The following TEKT4 variants were observed in gnomAD, a reference collection of about 807,000 sequenced individuals.
The protein encoded by TEKT4 is tektin 4, also known as tektin-4.
TEKT4 carries 46 observed loss-of-function variants against 46.0 expected under a neutral mutation model. The ratio of observed to expected loss-of-function variants is 1.00; its 90% CI spans 0.79 to 1.28. The LOEUF is 1.28. Ranked by LOEUF, TEKT4 falls within the 50% of genes most tolerant of loss-of-function variation. TEKT4 has a pLI of 0.00. For missense variants in TEKT4, 790 were observed against 622.9 expected, an observed-to-expected ratio of 1.27 and a Z score of -2.85; for synonymous variants, 325 against 265.8, an observed-to-expected ratio of 1.22 and a Z score of -2.17.
intron 4 of TEKT4, 94 bp downstream of exon 4, chr2:94,875,092 C>T (rs1680780622): frequency 7.6e-7 from 1 of 1,312,584 alleles, no homozygotes; most frequent in Non-Finnish European, 1.0e-6. Flanking sequence ...CCCGAGGGAC[C>T]CCAGAAGCAA....
chr2:94,876,525 C>T, intron 5 of TEKT4, 28 bp from the exon 6 acceptor site: 1 of 1,578,862 alleles, frequency 6.3e-7, no homozygotes, highest in Non-Finnish European at 8.6e-7. Context: ...CTCCCTAGCC[C>T]CGGCTCACAC....
At chr2:94,876,529 C>T (rs1553396617) in intron 5 of TEKT4, 24 bp from the exon 6 acceptor site, 1 of 1,584,630 alleles carries the variant, frequency 6.3e-7, no homozygotes, top group Non-Finnish European at 8.6e-7. Context: ...CTAGCCCCGG[C>T]TCACACCCCC....
chr2:94,873,000 A>G, intron 1 of TEKT4: 1 of 1,289,482 alleles, frequency 7.8e-7, no homozygotes, highest in Non-Finnish European at 1.0e-6. Flanking sequence ...TGGTTGAGGC[A>G]AAGACCCCAA....
At chr2:94,875,188 G>A (rs1680787395) in intron 4 of TEKT4, among the ~76,000 whole-genome samples, 190 bp downstream of exon 4, 1 of 152,192 alleles carries the variant, frequency 6.6e-6, no homozygotes. Context: ...TCAGCAGGAG[G>A]AGCTGTGGGG....
rs782487494 is a variant in TEKT4 at position 94,876,607 on chromosome 2, G to C, written c.1146G>C (p.Lys382Asn). The change falls in exon 6 of 6, where the codon AAG becomes AAC. Residue 382 changes from lysine to asparagine, a missense_variant. Lys to Asn is a moderately conservative substitution (Grantham distance 94, BLOSUM62 0). Coordinates refer to ENST00000295201, the MANE Select transcript of TEKT4 (RefSeq NM_144705.4). ...TGTCCCTCACAGCACTGCGAGAGAA[G>C]CTTCTAGAAGCGGAGCAGTCCCTGC... Reference protein sequence around the residue: ...LNMSLTALREKLLEAEQSLRN... With the variant: ...LNMSLTALRENLLEAEQSLRN... The C allele has an allele frequency of 6.2e-7, 1 of 1,612,636 alleles. No individual in the cohort carries two copies. Among genetic ancestry groups the C allele is most frequent in the Non-Finnish European group, 8.5e-7 (1 of 1,179,786 alleles).
intron 4 of TEKT4, 51 bp from the exon 5 acceptor site, chr2:94,875,537 A>G (rs782806613): frequency 2.5e-6 from 4 of 1,609,750 alleles, no homozygotes; most frequent in African/African-American, 1.3e-5. Context: ...TCGGCGTTCT[A>G]TATACCCGGG....
chr2:94,872,008 C>A lies in TEKT4; in HGVS notation c.429C>A (p.Asn143Lys), dbSNP rs1305207890. Reference protein sequence around the residue: ...TEVPFSITTDNLQCRERREHP... With the variant: ...TEVPFSITTDKLQCRERREHP... ...TGCCCTTCTCCATCACCACTGACAA[C>A]CTGCAGTGCCGTGAGCGCCGCGAGC... Residue 143 changes from asparagine to lysine, a missense_variant, in exon 1 of 6, where the codon AAC (asparagine) becomes AAA (lysine). Coordinates refer to ENST00000295201, the MANE Select transcript of TEKT4 (RefSeq NM_144705.4). 1.9e-6 allele frequency: 3 copies of A among 1,592,132 alleles called. No individual in the cohort carries two copies. The highest frequency in any genetic ancestry group is 1.3e-5 in the African/African-American group (1 of 74,468).
Position 94,873,992 on chromosome 2 carries a change from C to A in TEKT4, c.597C>A (p.Cys199Ter). The stretch of plus-strand genomic sequence containing the variant: ...TGAACCGGGAGCACAAGGAGACCTG[C>A]GAGATGGACTGGTCAGACAAGATGG... ...IRLNREHKETCEMDWSDKMEA... is the reference protein window; with the variant it reads ...IRLNREHKET The change falls in exon 3 of 6, where the codon TGC becomes TGA. Residue 199 changes from cysteine (C) to a stop codon, truncating the protein, a stop_gained. Coordinates refer to ENST00000295201, the MANE Select transcript of TEKT4 (RefSeq NM_144705.4). LOFTEE classifies it high-confidence loss of function. 1.2e-6 allele frequency: 2 copies of A among 1,613,776 alleles called. No homozygotes were observed. Among genetic ancestry groups the A allele is most frequent in the Non-Finnish European group, 1.7e-6 (2 of 1,179,930 alleles).
rs77857398 is a variant in TEKT4, at chr2:94,876,641, G to A, written c.1180G>A (p.Glu394Lys). ...AGCGGAGCAGTCCCTGCGCAACCTC[G>A]AGGACATCCACATGAGCCTGGAGAA... The part of the protein sequence containing the change: ...LEAEQSLRNL[E>K]DIHMSLEKDI... Residue 394 changes from glutamate (E) to lysine (K), a missense_variant, in exon 6 of 6, where the codon GAG becomes AAG. Transcript: ENST00000295201. 64 of 1,613,240 alleles carry A rather than the reference G, an allele frequency of 4.0e-5. No homozygotes were observed. Among genetic ancestry groups the A allele is most frequent in the Middle Eastern group, 1.7e-4 (1 of 6,060 alleles).
At position 94,875,699 on chromosome 2, in the gene TEKT4, C is replaced by A; in HGVS notation, c.1048C>A (p.His350Asn). ...VAQTRLYLRS[H>N]RPNMELCRDA... ...CCAGACCCGGCTGTACCTGCGCTCG[C>A]ACCGGCCCAACATGGAGCTGTGCCG... Residue 350 changes from histidine to asparagine, a missense_variant, in exon 5 of 6, where the codon CAC becomes AAC. His to Asn is a moderately conservative substitution (Grantham distance 68). Coordinates refer to ENST00000295201, the MANE Select transcript of TEKT4 (RefSeq NM_144705.4). The A allele has an allele frequency of 6.2e-7, 1 of 1,614,192 alleles. No individual in the cohort carries two copies. The highest frequency in any genetic ancestry group is 8.5e-7 in the Non-Finnish European group (1 of 1,180,010).
In TEKT4 at chr2:94,871,754, C is replaced by T. The variant is rs111388833; in HGVS notation, c.175C>T (p.Arg59Cys). Residue 59 changes from arginine to cysteine, a missense_variant, in exon 1 of 6, where the codon CGC becomes TGC. Physicochemically the swap from Arg to Cys is radical, Grantham distance 180 (BLOSUM62 -3). Coordinates refer to ENST00000295201, the MANE Select transcript of TEKT4 (RefSeq NM_144705.4). ...TCGCTACCACCAGGCCTTCGCCGACCGCGACCAGTCGGAGCGGCAGCGGCA... is the reference window on the plus strand; with the variant it reads ...TCGCTACCACCAGGCCTTCGCCGACTGCGACCAGTCGGAGCGGCAGCGGCA... ...YARYHQAFADRDQSERQRHES... is the reference protein window; with the variant it reads ...YARYHQAFADCDQSERQRHES... 3.1e-5 allele frequency: 50 copies of T among 1,612,482 alleles called. No homozygotes were observed. Among genetic ancestry groups the T allele is most frequent in the East Asian group, 4.5e-5 (2 of 44,884 alleles).
In TEKT4 at chr2:94,874,836, C is replaced by T. The variant is rs1304537134; in HGVS notation, c.774C>T (p.Arg258=). 1.1e-5 allele frequency: 17 copies of T among 1,606,304 alleles called. No individual in the cohort carries two copies. In the East Asian group the frequency reaches 1.1e-4, roughly 11 times the overall value. The change falls in exon 4 of 6, where the codon CGC becomes CGT. Residue 258 remains arginine, a synonymous_variant. Transcript: ENST00000295201. ...AGGACAATCTGTGCCGTGCCCAGCG[C>T]GAGCGCCTGGCCTCGGCCAACCTGC... ...FTQDNLCRAQ[R]ERLASANLRV...
At chr2:94,873,084 TCTC>T (rs1553395173) in intron 1 of TEKT4, 5 of 1,253,268 alleles carry the variant, frequency 4.0e-6, no homozygotes, top group Non-Finnish European at 4.1e-6. Flanking sequence ...ACAGGGTCCT[TCTC>T]CTGTTCTTGG....
Position 94,872,622 on chromosome 2 carries a change from G to C in TEKT4, c.498+545G>C, listed in dbSNP as rs1396174115. On this transcript the variant is annotated intron_variant, in intron 1 of 5. Transcript: ENST00000295201. ...GAGAGAGTAACTCAGTCCTGGCCCA[G>C]ATGCTGGCTCTGGAGAATTCTCTGA... is the stretch of plus-strand genomic sequence containing the variant. 4 of 363,568 alleles carry C rather than the reference G, an allele frequency of 1.1e-5. No homozygotes were observed. In the Admixed American group the frequency reaches 1.5e-4, roughly 14 times the overall value. The allele number at this position is 363,568 out of a possible 1,614,324, so 22.5% of individuals were successfully genotyped here.
chr2:94,871,490 G>T lies in TEKT4; in HGVS notation c.-90G>T. ...CGTCCTGCTCTGGGACTGAGCCGTT[G>T]GAGCTGCCCCGCTGACCGCACTAGG... On this transcript the variant is annotated 5_prime_UTR_variant, in exon 1 of 6. Coordinates refer to ENST00000295201, the MANE Select transcript of TEKT4 (RefSeq NM_144705.4). 2 of 1,435,716 alleles carry T rather than the reference G, an allele frequency of 1.4e-6. No homozygotes were observed. The highest frequency in any genetic ancestry group is 1.8e-6 in the Non-Finnish European group (2 of 1,091,220). The allele number at this position is 1,435,716 out of a possible 1,614,324, so 88.9% of individuals were successfully genotyped here.
intron 1 of TEKT4, 94 bp downstream of exon 1, chr2:94,872,171 A>C: frequency 7.0e-7 from 1 of 1,427,398 alleles, no homozygotes; most frequent in East Asian, 2.5e-5. Context: ...TGGCTGCTGC[A>C]AGCACGCGGG....
rs201608529 is a variant in TEKT4, at chr2:94,871,825, C to G, written c.246C>G (p.Arg82=). 6.2e-7 allele frequency: 1 copy of G among 1,608,516 alleles called. No homozygotes were observed. Among genetic ancestry groups the G allele is most frequent in the Admixed American group, 1.7e-5 (1 of 59,756 alleles). Reference sequence around the variant, plus strand: ...CAGAGACCCAGGCGCTGGCGCAGCGCACGCAGCAAGACTCCACGCGCACAG... The same window carrying G: ...CAGAGACCCAGGCGCTGGCGCAGCGGACGCAGCAAGACTCCACGCGCACAG... ...LATETQALAQ[R]TQQDSTRTVG... Residue 82 remains arginine (R), a synonymous_variant, in exon 1 of 6, where the codon CGC becomes CGG. Transcript: ENST00000295201.
Position 94,874,917 on chromosome 2 carries a change from C to G in TEKT4, c.855C>G (p.Cys285Trp), listed in dbSNP as rs75577472. ...CCTCCGAGGACCTGCGGCTCCAGTG[C>G]GACGCCGTGAACCTGGCCTTCGGGC... The part of the protein sequence containing the change: ...RDTSEDLRLQ[C>W]DAVNLAFGRR... Residue 285 changes from cysteine to tryptophan, a missense_variant, in exon 4 of 6, where the codon TGC becomes TGG. Cys to Trp is a radical substitution (Grantham distance 215). Coordinates refer to ENST00000295201, the MANE Select transcript of TEKT4 (RefSeq NM_144705.4). 1.2e-6 allele frequency: 2 copies of G among 1,611,916 alleles called. No homozygotes were observed. The highest frequency in any genetic ancestry group is 1.7e-6 in the Non-Finnish European group (2 of 1,179,526).
chr2:94,873,217 G>A (rs1680657802), intron 1 of TEKT4: 6 of 1,277,046 alleles, frequency 4.7e-6, no homozygotes, highest in Admixed American at 3.3e-5. Context: ...ACGTTCCCAG[G>A]TGCACTGAGT....
Sources: allele counts gnomAD v4.1 joint callset (sites outside exome capture counted in the v4.1 genomes callset), GRCh38; gene constraint gnomAD v4.1.1; transcripts MANE v1.5; gene names NCBI Gene and HGNC (gene_info 2026-07-23, HGNC 2026-07-21).